The following WASHC5 variants were observed in gnomAD, a reference collection of about 807,000 sequenced individuals.
WASHC5 encodes WASH complex subunit 5.
In WASHC5, 101 loss-of-function variants were observed where a neutral mutation model predicts 150.4. That is an observed-to-expected ratio of 0.67 (90% CI 0.57 to 0.79). The LOEUF (loss-of-function observed/expected upper bound fraction) is 0.79, where lower values mean the gene tolerates loss of function less well. Ranked by LOEUF, WASHC5 falls within the 30% of genes least tolerant of loss-of-function variation. The pLI is 0.00. For missense variants in WASHC5, 1,195 were observed against 1,396.3 expected (o/e 0.86, Z 2.30); for synonymous variants, 467 against 491.2 (o/e 0.95, Z 0.65).
chr8:125,061,237 C>T (rs1228232785), intron 11 of WASHC5, 43 bp from the exon 12 acceptor site: 1 of 1,056,148 alleles, frequency 9.5e-7, no homozygotes, highest in Non-Finnish European at 1.5e-6. Context: ...CCTCGAATTC[C>T]TGTAGCTGTG....
chr8:125,061,354 G>A (rs1478770324), intron 11 of WASHC5, among the ~76,000 whole-genome samples, 160 bp from the exon 12 acceptor site: 2 of 152,180 alleles, frequency 1.3e-5, no homozygotes, highest in South Asian at 2.1e-4. Flanking sequence ...TGGAGCATGC[G>A]ACATAGTAGA....
At chr8:125,073,690 A>G (rs1419299774) in intron 8 of WASHC5, among the ~76,000 whole-genome samples, 1 of 152,232 alleles carries the variant, frequency 6.6e-6, no homozygotes, top group Non-Finnish European at 1.5e-5. Context: ...TATGGACTAT[A>G]CTTATTGGGC....
At position 125,057,623 on chromosome 8, in the gene WASHC5, G is replaced by A; in HGVS notation, c.1808C>T (p.Ala603Val). ...LDLPLLRINQ[A>V]NSPDLLSVSQ... ...CACGCTGAGCAGGTCGGGGCTATTT[G>A]CCTGATTAATACGAAGAAGGGGCAG... The change falls in exon 15 of 29, where the codon GCA becomes GTA. Residue 603 changes from alanine (A) to valine (V), a missense_variant. This residue lies in a region of WASHC5 where 997 missense variants were observed against 1,168.1 expected (regional missense o/e 0.85). Coordinates refer to ENST00000318410, the MANE Select transcript of WASHC5 (RefSeq NM_014846.4). The A allele has an allele frequency of 6.2e-7, 1 of 1,613,910 alleles. No homozygotes were observed. The highest frequency in any genetic ancestry group is 8.5e-7 in the Non-Finnish European group (1 of 1,179,876).
At chr8:125,054,945 ATTTT>A (rs34923893) in intron 17 of WASHC5, among the ~76,000 whole-genome samples, 1 of 146,314 alleles carries the variant, frequency 6.8e-6, no homozygotes, top group Non-Finnish European at 1.5e-5. Flanking sequence ...AGGAAATTGA[ATTTT>A]TTTTTTTTTG....
Position 125,084,000 on chromosome 8 carries a change from G to T in WASHC5, c.-102C>A. 8.9e-7 allele frequency: 1 copy of T among 1,123,638 alleles called. No homozygotes were observed. The highest frequency in any genetic ancestry group is 1.3e-6 in the Non-Finnish European group (1 of 759,728). The allele number at this position is 1,123,638 out of a possible 1,614,324, so 69.6% of individuals were successfully genotyped here. A position where few individuals can be genotyped will look rare whatever the true frequency, so the allele number is the denominator to read the frequency against. On this transcript the variant is annotated 5_prime_UTR_variant, in exon 2 of 29. Transcript: ENST00000318410. ...TTAGATGAAACCAGGTGTGCAGAGA[G>T]ATTGGCTCCTCCATTAAAGAACCTG... is the stretch of plus-strand genomic sequence containing the variant.
At chr8:125,024,796 C>T (rs1473219174) in intron 28 of WASHC5, 123 bp from the exon 29 acceptor site, 12 of 696,988 alleles carry the variant, frequency 1.7e-5, no homozygotes, top group African/African-American at 3.6e-5. Flanking sequence ...CTCCCATGGG[C>T]GGACGACTCC....
At position 125,079,010 on chromosome 8, in the gene WASHC5, AT is replaced by A. The variant is rs1360989201; in HGVS notation, c.519-81del. The A allele has an allele frequency of 1.4e-4, 162 of 1,194,952 alleles. 1 individual carries two copies. The South Asian group carries it at 1.6e-3, about 12-fold the overall frequency. 74.0% of individuals were successfully genotyped at this position (1,194,952 alleles called of 1,614,324 possible). ...GAAAAGTCCAATAAAGTAGAATTCC[AT>A]TCTACTTTGACTCAATATAGTTTCA... On this transcript the variant is annotated intron_variant, in intron 5 of 28. Coordinates refer to ENST00000318410, the MANE Select transcript of WASHC5 (RefSeq NM_014846.4).
intron 9 of WASHC5, among the ~76,000 whole-genome samples, chr8:125,072,633 C>G (rs1816933193): frequency 6.6e-6 from 1 of 152,122 alleles, no homozygotes; most frequent in African/African-American, 2.4e-5. Flanking sequence ...CTTGGCCTCC[C>G]AAAGTGATGG....
intron 1 of WASHC5, among the ~76,000 whole-genome samples, chr8:125,089,367 T>C (rs1817525853): frequency 6.6e-6 from 1 of 152,202 alleles, no homozygotes; most frequent in East Asian, 1.9e-4. Flanking sequence ...ACACATAAAA[T>C]ACACTAACAC....
Position 125,073,206 on chromosome 8 carries a change from A to G in WASHC5, c.1097T>C (p.Leu366Pro). 6.2e-7 allele frequency: 1 copy of G among 1,614,172 alleles called. No homozygotes were observed. Among genetic ancestry groups the G allele is most frequent in the Non-Finnish European group, 8.5e-7 (1 of 1,180,014 alleles). The change falls in exon 9 of 29, where the codon CTG (leucine) becomes CCG (proline). Residue 366 changes from leucine to proline, a missense_variant. Coordinates refer to ENST00000318410, the MANE Select transcript of WASHC5 (RefSeq NM_014846.4). ...TCGGATGGCAACATTGCAGTCTCTC[A>G]GGCAGTTCAGAAGCTTTGGGATATT... ...LDNIPKLLNCLRDCNVAIRWL... is the reference protein window; with the variant it reads ...LDNIPKLLNCPRDCNVAIRWL...
chr8:125,071,733 C>T (rs1816901882), intron 9 of WASHC5, among the ~76,000 whole-genome samples: 1 of 152,130 alleles, frequency 6.6e-6, no homozygotes, highest in Non-Finnish European at 1.5e-5. Context: ...AATTAGTTTC[C>T]CGCTGCTGCT....
At chr8:125,043,706 T>C (rs984526993) in intron 23 of WASHC5, 119 bp downstream of exon 23, 5 of 722,390 alleles carry the variant, frequency 6.9e-6, no homozygotes, top group Non-Finnish European at 1.2e-5. Context: ...AGTATTAAAA[T>C]ATTTTTGATT....
At chr8:125,056,436 T>G (rs1816408991) in intron 16 of WASHC5, among the ~76,000 whole-genome samples, 2 of 152,214 alleles carry the variant, frequency 1.3e-5, no homozygotes, top group Admixed American at 1.3e-4. Context: ...AGTGACCAGC[T>G]AAGCCTCATT....
intron 20 of WASHC5, among the ~76,000 whole-genome samples, chr8:125,046,992 C>T (rs563362631): frequency 1.2e-4 from 19 of 152,278 alleles, no homozygotes; most frequent in Middle Eastern, 3.4e-3. Flanking sequence ...GCTTGCCCAT[C>T]GCTCACCTCT....
chr8:125,068,373 C>G (rs762216813), intron 9 of WASHC5, among the ~76,000 whole-genome samples: 1 of 152,158 alleles, frequency 6.6e-6, no homozygotes, highest in Non-Finnish European at 1.5e-5. Context: ...GTCTAATGAG[C>G]CTTCCTGGTT....
At chr8:125,050,727 G>A in intron 17 of WASHC5, 62 bp from the exon 18 acceptor site, 1 of 1,263,956 alleles carries the variant, frequency 7.9e-7, no homozygotes, top group Non-Finnish European at 1.2e-6. Flanking sequence ...ACGAAATCCA[G>A]AGGAAAGATG....
Position 125,038,372 on chromosome 8 carries a change from G to A in WASHC5, c.3084+458C>T, listed in dbSNP as rs1190051161. On this transcript the variant is annotated intron_variant, in intron 25 of 28. Transcript: ENST00000318410. ...CAGGACAGATTTTGCCATGCAAAGAGATCTGGCACCGAGTTATGAAAAAAC... is the reference window on the plus strand; with the variant it reads ...CAGGACAGATTTTGCCATGCAAAGAAATCTGGCACCGAGTTATGAAAAAAC... Among the ~76,000 whole-genome samples, 4 of 152,168 alleles carry A rather than the reference G, an allele frequency of 2.6e-5. No homozygotes were observed. In the East Asian group the frequency reaches 7.7e-4, roughly 29 times the overall value.
Position 125,047,187 on chromosome 8 carries a change from T to C in WASHC5, c.2504+20A>G, listed in dbSNP as rs370270565. ...ACTGCCTGCAGTATTCAGGGCTCTG[T>C]AGAATTCAGGTACACCTACTTTGGG... On this transcript the variant is annotated intron_variant, in intron 20 of 28. Transcript: ENST00000318410. 52 of 1,613,626 alleles carry C rather than the reference T, an allele frequency of 3.2e-5. No homozygotes were observed. Among genetic ancestry groups the C allele is most frequent in the Non-Finnish European group, 4.3e-5 (51 of 1,179,756 alleles).
intron 6 of WASHC5, among the ~76,000 whole-genome samples, chr8:125,077,750 T>C (rs1563633402): frequency 6.6e-6 from 1 of 152,192 alleles, no homozygotes; most frequent in Non-Finnish European, 1.5e-5. Context: ...GATAATGCCA[T>C]CTACTTTACA....
Sources: allele counts gnomAD v4.1 joint callset (sites outside exome capture counted in the v4.1 genomes callset), GRCh38; gene constraint gnomAD v4.1.1; regional missense constraint gnomAD v4.1.1; transcripts MANE v1.5; gene names NCBI Gene and HGNC (gene_info 2026-07-23, HGNC 2026-07-21).